PGBD5: variants seen among roughly 807,000 people sequenced by gnomAD.
PGBD5 encodes piggyBac transposable element derived 5.
PGBD5 carries 14 observed loss-of-function variants against 47.9 expected under a neutral mutation model. That is an observed-to-expected ratio of 0.29 (90% confidence interval 0.19 to 0.46). The LOEUF is 0.46. PGBD5 is among the 20% of genes least tolerant of loss of function. The probability of loss-of-function intolerance (pLI) is 1.00; values close to 1 mark genes in which losing one functional copy is unlikely to be tolerated. For synonymous variants in PGBD5, 316 were observed against 306.3 expected, an observed-to-expected ratio of 1.03 and a Z score of -0.33; for missense variants, 635 against 716.0, an observed-to-expected ratio of 0.89 and a Z score of 1.29.
In PGBD5 at chr1:230,426,100, G is replaced by T; in HGVS notation, c.-172C>A. 5.7e-6 allele frequency: 1 copy of T among 174,850 alleles called. No homozygotes were observed. Among genetic ancestry groups the T allele is most frequent in the South Asian group, 1.7e-4 (1 of 5,916 alleles). 10.8% of individuals were successfully genotyped at this position (174,850 alleles called of 1,614,324 possible). On this transcript the variant is annotated 5_prime_UTR_variant, in exon 1 of 7. Transcript: ENST00000391860. ...CTTGGCCGCCTCGGGCCCAGCGCCC[G>T]GGGAAGCGCCCTCGGAGCTCGGGCG...
rs890277187 is a variant in PGBD5 at position 230,316,184 on chromosome 1, A to G, written c.*7241T>C. 2.4e-5 allele frequency: 1 copy of G among 41,062 alleles called. No homozygotes were observed. Among genetic ancestry groups the G allele is most frequent in the Non-Finnish European group, 6.4e-5 (1 of 15,548 alleles). 2.5% of individuals were successfully genotyped at this position (41,062 alleles called of 1,614,324 possible). The stretch of plus-strand genomic sequence containing the variant: ...TATGTGTATACATACATACGTACAC[A>G]TGTGCATGTGTATACATACATATGT... On this transcript the variant is annotated 3_prime_UTR_variant, in exon 7 of 7. Transcript: ENST00000391860.
At chr1:230,333,100 C>T in intron 4 of PGBD5, 59 bp from the exon 5 acceptor site, 2 of 1,521,808 alleles carry the variant, frequency 1.3e-6, no homozygotes, top group Non-Finnish European at 1.8e-6. Flanking sequence ...CCGGCGGCTC[C>T]TCCGCCCTGG....
At chr1:230,333,174 T>A in intron 4 of PGBD5, 133 bp from the exon 5 acceptor site, 1 of 868,696 alleles carries the variant, frequency 1.2e-6, no homozygotes, top group Non-Finnish European at 1.8e-6. Context: ...TCAGACCCTC[T>A]AGAGACCCCT....
At chr1:230,334,434 A>C (rs17764115) in intron 4 of PGBD5, among the ~76,000 whole-genome samples, 35,573 of 152,266 alleles carry the variant, frequency 0.23, 5,102 homozygotes, top group South Asian at 0.36. Flanking sequence ...GGGAAAGAAC[A>C]TTCCAGCAGC....
chr1:230,354,158 G>A (rs535008702), intron 2 of PGBD5, among the ~76,000 whole-genome samples: 3 of 152,296 alleles, frequency 2.0e-5, no homozygotes, highest in South Asian at 2.1e-4. Flanking sequence ...ACACCCAACC[G>A]TACTCTGTGG....
At chr1:230,419,467 AG>A (rs758136750) in intron 1 of PGBD5, among the ~76,000 whole-genome samples, 3 of 152,216 alleles carry the variant, frequency 2.0e-5, no homozygotes, top group Non-Finnish European at 4.4e-5. Context: ...TGCTCACCAC[AG>A]GGTGATGGGC....
At chr1:230,354,002 T>C (rs933570643) in intron 2 of PGBD5, among the ~76,000 whole-genome samples, 1 of 152,182 alleles carries the variant, frequency 6.6e-6, no homozygotes, top group African/African-American at 2.4e-5. Flanking sequence ...CAGCAAGGCC[T>C]GCAAGCCCCT....
At chr1:230,411,338 A>T (rs993625385) in intron 1 of PGBD5, among the ~76,000 whole-genome samples, 1 of 152,234 alleles carries the variant, frequency 6.6e-6, no homozygotes, top group Non-Finnish European at 1.5e-5. Context: ...AGACAAGATT[A>T]TGATTGAGAG....
Position 230,325,365 on chromosome 1 carries a change from C to T in PGBD5, c.1324G>A (p.Glu442Lys). The T allele has an allele frequency of 6.2e-7, 1 of 1,613,862 alleles. No individual in the cohort carries two copies. The change falls in exon 6 of 7, where the codon GAG (glutamate) becomes AAG (lysine). Residue 442 changes from glutamate (E) to lysine (K), a missense_variant. Coordinates refer to ENST00000391860, the MANE Select transcript of PGBD5 (RefSeq NM_001258311.2). ...SGEIPCPLAV[E>K]AFAAHLSYIC... ...TAGCTCAGGTGAGCGGCAAACGCCT[C>T]CACGGCCAAGGGGCATGGGATCTCC...
rs1004725178 is a variant in PGBD5 at position 230,386,155 on chromosome 1, C to T, written c.332-28834G>A. The stretch of plus-strand genomic sequence containing the variant: ...TAGCCTGGGCAACACAGCGAGACCC[C>T]ATCTCTACAAAAAATTTGGCAGGTG... On this transcript the variant is annotated intron_variant, in intron 1 of 6. Coordinates refer to ENST00000391860, the MANE Select transcript of PGBD5 (RefSeq NM_001258311.2). 2.6e-5 allele frequency among the ~76,000 whole-genome samples: 4 copies of T among 152,064 alleles called. No individual in the cohort carries two copies. In the Middle Eastern group the frequency reaches 0.01, roughly 388 times the overall value.
At chr1:230,407,618 G>A (rs564542277) in intron 1 of PGBD5, among the ~76,000 whole-genome samples, 5 of 152,122 alleles carry the variant, frequency 3.3e-5, no homozygotes, top group Non-Finnish European at 5.9e-5. Context: ...TCATGAGAGC[G>A]TAAGTGTTCC....
chr1:230,362,437 GC>G, intron 1 of PGBD5: 2 of 1,282,276 alleles, frequency 1.6e-6, no homozygotes, highest in Non-Finnish European at 2.0e-6. Context: ...CTGGACCGTG[GC>G]AAGCTCTTTC....
intron 5 of PGBD5, among the ~76,000 whole-genome samples, chr1:230,328,871 T>G (rs1558190500): frequency 1.3e-5 from 2 of 152,188 alleles, no homozygotes; most frequent in African/African-American, 4.8e-5. Flanking sequence ...AAGGTGGATT[T>G]CGAAAGAAAA....
At chr1:230,340,032 G>A (rs1022934121) in intron 3 of PGBD5, among the ~76,000 whole-genome samples, 1 of 152,172 alleles carries the variant, frequency 6.6e-6, no homozygotes, top group African/African-American at 2.4e-5. Context: ...TAATGCATAT[G>A]TCAGTTGGCT....
rs1003164520 is a variant in PGBD5, at chr1:230,315,459, T to G, written c.*7966A>C. 6.7e-6 allele frequency: 1 copy of G among 149,682 alleles called. No individual in the cohort carries two copies. Among genetic ancestry groups the G allele is most frequent in the African/African-American group, 2.5e-5 (1 of 39,286 alleles). 9.3% of individuals were successfully genotyped at this position (149,682 alleles called of 1,614,324 possible). A position where few individuals can be genotyped will look rare whatever the true frequency, so the allele number is the denominator to read the frequency against. Reference sequence around the variant, plus strand: ...ACAGCCCTGTGAGCAGCAGTTCCCCTCCTGGAACACTGCTTCACCAGCCCA... The same window carrying G: ...ACAGCCCTGTGAGCAGCAGTTCCCCGCCTGGAACACTGCTTCACCAGCCCA... On this transcript the variant is annotated 3_prime_UTR_variant, in exon 7 of 7. Transcript: ENST00000391860.
chr1:230,350,410 A>G (rs993250154), intron 3 of PGBD5, among the ~76,000 whole-genome samples: 1 of 152,230 alleles, frequency 6.6e-6, no homozygotes, highest in Non-Finnish European at 1.5e-5. Flanking sequence ...TGCTGGCTCC[A>G]AGGTCCTATG....
intron 5 of PGBD5, among the ~76,000 whole-genome samples, chr1:230,332,002 C>A (rs1407883947): frequency 6.8e-6 from 1 of 147,664 alleles, no homozygotes; most frequent in Admixed American, 6.8e-5. Flanking sequence ...GACTGTACCG[C>A]AGAAACATAC....
rs373045331 is a variant in PGBD5, at chr1:230,362,271, A to G, written c.332-4950T>C. The G allele has an allele frequency of 8.2e-5, 112 of 1,364,674 alleles. 1 individual carries two copies. The South Asian group carries it at 1.2e-3, about 14-fold the overall frequency. The allele number at this position is 1,364,674 out of a possible 1,614,324, so 84.5% of individuals were successfully genotyped here. ...TTTAGCTTCCTCTACCAGCTCCTTCACCTCCATGCTCTGCACTGAGTTTCC... is the reference window on the plus strand; with the variant it reads ...TTTAGCTTCCTCTACCAGCTCCTTCGCCTCCATGCTCTGCACTGAGTTTCC... On this transcript the variant is annotated intron_variant, in intron 1 of 6. Transcript: ENST00000391860.
At chr1:230,395,177 A>C (rs1404410679) in intron 1 of PGBD5, among the ~76,000 whole-genome samples, 22 of 14,492 alleles carry the variant, frequency 1.5e-3, no homozygotes, top group Admixed American at 1.7e-3. Flanking sequence ...TCCTCTCCTC[A>C]CACTCCTCCC....
Sources: gnomAD v4.1 joint callset for allele counts (sites outside exome capture counted in the v4.1 genomes callset) on GRCh38, gnomAD v4.1.1 for gene constraint, MANE v1.5 for transcripts, NCBI Gene and HGNC (gene_info 2026-07-23, HGNC 2026-07-21) for gene names.